Variants in YOD1 observed in about 807,000 individuals in gnomAD.
The protein encoded by YOD1 is YOD1 deubiquitinase, also known as ubiquitin thioesterase OTU1.
Under a neutral mutation model 23.7 loss-of-function variants are expected in YOD1, and 17 were observed. That is an observed-to-expected ratio of 0.72 (90% CI 0.49 to 1.07). YOD1 has a LOEUF of 1.07. Ranked by LOEUF, YOD1 falls within the 50% of genes least tolerant of loss-of-function variation. The probability of loss-of-function intolerance (pLI) is 0.00; values close to 1 mark genes in which losing one functional copy is unlikely to be tolerated. For synonymous variants in YOD1, 191 were observed against 169.6 expected, an observed-to-expected ratio of 1.13 and a Z score of -0.98; for missense variants, 413 against 447.2, an observed-to-expected ratio of 0.92 and a Z score of 0.69.
intron 1 of YOD1, among the ~76,000 whole-genome samples, chr1:207,050,227 T>C (rs3123022): frequency 6.6e-6 from 1 of 152,120 alleles, no homozygotes; most frequent in African/African-American, 2.4e-5. Flanking sequence ...CAGTGGGTGT[T>C]TTAAAAGCTA....
In YOD1 at chr1:207,051,085, C is replaced by T. The variant is rs891298541; in HGVS notation, c.-55G>A. Reference sequence around the variant, plus strand: ...CGCGACGCTTCGGTGCGGCTTCTGCCTTAGTACCTTAGCAAGCGCGAACTC... The same window carrying T: ...CGCGACGCTTCGGTGCGGCTTCTGCTTTAGTACCTTAGCAAGCGCGAACTC... On this transcript the variant is annotated 5_prime_UTR_variant, in exon 1 of 2. Coordinates refer to ENST00000315927, the MANE Select transcript of YOD1 (RefSeq NM_018566.4). The T allele has an allele frequency of 2.6e-5, 38 of 1,443,932 alleles. No individual in the cohort carries two copies. The highest frequency in any genetic ancestry group is 3.2e-5 in the Non-Finnish European group (35 of 1,103,358). The allele number at this position is 1,443,932 out of a possible 1,614,324, so 89.4% of individuals were successfully genotyped here.
chr1:207,050,746 G>T lies in YOD1; in HGVS notation c.285C>A (p.Pro95=), dbSNP rs35127634. The T allele has an allele frequency of 6.2e-7, 1 of 1,613,272 alleles. No homozygotes were observed. Among genetic ancestry groups the T allele is most frequent in the Admixed American group, 1.7e-5 (1 of 60,014 alleles). The change falls in exon 1 of 2, where the codon CCC becomes CCA. Residue 95 remains proline (P), a synonymous_variant. Coordinates refer to ENST00000315927, the MANE Select transcript of YOD1 (RefSeq NM_018566.4). Reference sequence around the variant, plus strand: ...CCCCATTGCTGAGATCCAGGCACTCGGGAGGGTATCCGACGAGGATTCGCT... The same window carrying T: ...CCCCATTGCTGAGATCCAGGCACTCTGGAGGGTATCCGACGAGGATTCGCT... ...GGQRILVGYP[P]ECLDLSNGDT... is the part of the protein sequence containing the mutation.
intron 1 of YOD1, among the ~76,000 whole-genome samples, chr1:207,049,932 G>T (rs77477276): frequency 6.6e-6 from 1 of 152,144 alleles, no homozygotes; most frequent in Non-Finnish European, 1.5e-5. Flanking sequence ...AACACTTGAG[G>T]TTGCATCCCA....
chr1:207,051,019 G>A lies in YOD1; in HGVS notation c.12C>T (p.Pro4=). The change falls in exon 1 of 2, where the codon CCC becomes CCT. Residue 4 remains proline, a synonymous_variant. Coordinates refer to ENST00000315927, the MANE Select transcript of YOD1 (RefSeq NM_018566.4). MFG[P]AKGRHFGVHP... is the part of the protein sequence containing the mutation. ...GGACTCCAAAATGGCGACCTTTAGC[G>A]GGGCCAAACATCGCGAGAAGTTGCG... The A allele has an allele frequency of 1.3e-6, 2 of 1,511,332 alleles. No homozygotes were observed. Among genetic ancestry groups the A allele is most frequent in the South Asian group, 1.2e-5 (1 of 81,966 alleles). The allele number at this position is 1,511,332 out of a possible 1,614,324, so 93.6% of individuals were successfully genotyped here.
chr1:207,051,157 T>C lies in YOD1; in HGVS notation c.-127A>G. ...TTCCCCCACCCTCAGAACGAAGATG[T>C]AAACCTCCGTATTCCTAAAGGACAA... is the stretch of plus-strand genomic sequence containing the variant. On this transcript the variant is annotated 5_prime_UTR_variant, in exon 1 of 2. Transcript: ENST00000315927. 1.4e-6 allele frequency: 2 copies of C among 1,417,748 alleles called. No homozygotes were observed. Among genetic ancestry groups the C allele is most frequent in the Non-Finnish European group, 1.8e-6 (2 of 1,090,280 alleles). The allele number at this position is 1,417,748 out of a possible 1,614,324, so 87.8% of individuals were successfully genotyped here. A position where few individuals can be genotyped will look rare whatever the true frequency, so the allele number is the denominator to read the frequency against.
Position 207,050,988 on chromosome 1 carries a change from C to T in YOD1, c.43G>A (p.Ala15Thr). ...GAGACGCCGCCGGGGAAACCAGGCGCCGGGTGGACTCCAAAATGGCGACCT... is the reference window on the plus strand; with the variant it reads ...GAGACGCCGCCGGGGAAACCAGGCGTCGGGTGGACTCCAAAATGGCGACCT... ...AKGRHFGVHP[A>T]PGFPGGVSQQ... Residue 15 changes from alanine (A) to threonine (T), a missense_variant, in exon 1 of 2, where the codon GCG becomes ACG. Ala to Thr is a moderately conservative substitution (Grantham distance 58). Coordinates refer to ENST00000315927, the MANE Select transcript of YOD1 (RefSeq NM_018566.4). 6.5e-7 allele frequency: 1 copy of T among 1,532,372 alleles called. No individual in the cohort carries two copies. The highest frequency in any genetic ancestry group is 2.5e-5 in the East Asian group (1 of 40,790). 94.9% of individuals were successfully genotyped at this position (1,532,372 alleles called of 1,614,324 possible).
rs1682740269 is a variant in YOD1, at chr1:207,051,103, G to A, written c.-73C>T. On this transcript the variant is annotated 5_prime_UTR_variant, in exon 1 of 2. Transcript: ENST00000315927. ...CTTCTGCCTTAGTACCTTAGCAAGC[G>A]CGAACTCTTTTAAAGTGACAACTGA... The A allele has an allele frequency of 7.0e-7, 1 of 1,434,484 alleles. No homozygotes were observed. Among genetic ancestry groups the A allele is most frequent in the African/African-American group, 1.4e-5 (1 of 69,446 alleles). 88.9% of individuals were successfully genotyped at this position (1,434,484 alleles called of 1,614,324 possible).
rs1169539963 is a variant in YOD1, at chr1:207,049,652, A to G, written c.415T>C (p.Ser139Pro). ...SSPAFTKRGA[S>P]SYVRETLPVL... ...GGCAAAGTTTCCCTGACGTAACTAGAAGCACCACGTTTAGTAAATGCAGGT... is the reference window on the plus strand; with the variant it reads ...GGCAAAGTTTCCCTGACGTAACTAGGAGCACCACGTTTAGTAAATGCAGGT... Residue 139 changes from serine to proline, a missense_variant, in exon 2 of 2, where the codon TCT (serine) becomes CCT (proline). Transcript: ENST00000315927. 1 of 1,614,198 alleles carries G rather than the reference A, an allele frequency of 6.2e-7. No homozygotes were observed. Among genetic ancestry groups the G allele is most frequent in the Non-Finnish European group, 8.5e-7 (1 of 1,180,034 alleles).
At position 207,049,454 on chromosome 1, in the gene YOD1, T is replaced by C; in HGVS notation, c.613A>G (p.Thr205Ala). The change falls in exon 2 of 2, where the codon ACA becomes GCA. Residue 205 changes from threonine (T) to alanine (A), a missense_variant. Coordinates refer to ENST00000315927, the MANE Select transcript of YOD1 (RefSeq NM_018566.4). ...DFYSEAILGK[T>A]NQEYCDWIKR... ...ATCCAGTCACAGTACTCTTGATTTGTTTTTCCCAGTATTGCCTCACTATAG... is the reference window on the plus strand; with the variant it reads ...ATCCAGTCACAGTACTCTTGATTTGCTTTTCCCAGTATTGCCTCACTATAG... The C allele has an allele frequency of 1.2e-6, 2 of 1,614,200 alleles. No homozygotes were observed. Among genetic ancestry groups the C allele is most frequent in the Admixed American group, 1.7e-5 (1 of 60,022 alleles).
At position 207,051,005 on chromosome 1, in the gene YOD1, T is replaced by A; in HGVS notation, c.26A>T (p.His9Leu). Residue 9 changes from histidine to leucine, a missense_variant, in exon 1 of 2, where the codon CAT becomes CTT. Physicochemically the swap from His to Leu is moderately conservative, Grantham distance 99. Coordinates refer to ENST00000315927, the MANE Select transcript of YOD1 (RefSeq NM_018566.4). ...ACCAGGCGCCGGGTGGACTCCAAAA[T>A]GGCGACCTTTAGCGGGGCCAAACAT... MFGPAKGR[H>L]FGVHPAPGFP... 6.6e-7 allele frequency: 1 copy of A among 1,524,784 alleles called. No individual in the cohort carries two copies. Among genetic ancestry groups the A allele is most frequent in the Non-Finnish European group, 8.8e-7 (1 of 1,135,246 alleles). 94.5% of individuals were successfully genotyped at this position (1,524,784 alleles called of 1,614,324 possible).
In YOD1 at chr1:207,049,474, C is replaced by G; in HGVS notation, c.593G>C (p.Ser198Thr). 6.2e-7 allele frequency: 1 copy of G among 1,614,186 alleles called. No individual in the cohort carries two copies. The highest frequency in any genetic ancestry group is 8.5e-7 in the Non-Finnish European group (1 of 1,180,038). Residue 198 changes from serine to threonine, a missense_variant, in exon 2 of 2, where the codon AGT becomes ACT. Physicochemically the swap from Ser to Thr is moderately conservative, Grantham distance 58. Transcript: ENST00000315927. ...ATTTGTTTTTCCCAGTATTGCCTCA[C>G]TATAGAAGTCTGGATCGCTTGCTAC... The part of the protein sequence containing the change: ...QIVASDPDFY[S>T]EAILGKTNQE...
rs1171530233 is a variant in YOD1 at position 207,044,840 on chromosome 1, G to C, written c.*4180C>G. 2.0e-5 allele frequency: 3 copies of C among 152,382 alleles called. No individual in the cohort carries two copies. Among genetic ancestry groups the C allele is most frequent in the Non-Finnish European group, 2.9e-5 (2 of 67,904 alleles). 9.4% of individuals were successfully genotyped at this position (152,382 alleles called of 1,614,324 possible). A position where few individuals can be genotyped will look rare whatever the true frequency, so the allele number is the denominator to read the frequency against. ...TTTTCTCCCTTCACTCTACCATGAGGGGGTTACCAACCTCCTTTAAATGTG... is the reference window on the plus strand; with the variant it reads ...TTTTCTCCCTTCACTCTACCATGAGCGGGTTACCAACCTCCTTTAAATGTG... On this transcript the variant is annotated 3_prime_UTR_variant, in exon 2 of 2. Transcript: ENST00000315927.
upstream of YOD1, among the ~76,000 whole-genome samples, chr1:207,051,839 C>A (rs1347061612): frequency 6.6e-6 from 1 of 152,172 alleles, no homozygotes; most frequent in African/African-American, 2.4e-5. Flanking sequence ...GAACCCAGGA[C>A]TGTGCCTCGC....
At chr1:207,052,738 TGA>T (rs34574803), upstream of YOD1, 60,071 of 157,016 alleles carry the variant, frequency 0.38, 11,832 homozygotes, top group Middle Eastern at 0.47. Flanking sequence ...GGTTCAACGA[TGA>T]GAGTGGTTGA....
Position 207,048,545 on chromosome 1 carries a change from C to G in YOD1, c.*475G>C. 6.4e-6 allele frequency: 1 copy of G among 155,778 alleles called. No homozygotes were observed. Among genetic ancestry groups the G allele is most frequent in the Non-Finnish European group, 1.4e-5 (1 of 69,944 alleles). The allele number at this position is 155,778 out of a possible 1,614,324, so 9.6% of individuals were successfully genotyped here. ...GACACTGTGGTAAATGTCCAGTGGACTCACAGGAGGCCTTCCACATTACCC... is the reference window on the plus strand; with the variant it reads ...GACACTGTGGTAAATGTCCAGTGGAGTCACAGGAGGCCTTCCACATTACCC... On this transcript the variant is annotated 3_prime_UTR_variant, in exon 2 of 2. Coordinates refer to ENST00000315927, the MANE Select transcript of YOD1 (RefSeq NM_018566.4).
In YOD1 at chr1:207,044,599, A is replaced by G. The variant is rs1682549519; in HGVS notation, c.*4421T>C. ...TTTAAAAACATATGTATAAAAGGGCATCATGGCAAAATGCTTATAATTCAT... is the reference window on the plus strand; with the variant it reads ...TTTAAAAACATATGTATAAAAGGGCGTCATGGCAAAATGCTTATAATTCAT... On this transcript the variant is annotated 3_prime_UTR_variant, in exon 2 of 2. Transcript: ENST00000315927. 2 of 152,370 alleles carry G rather than the reference A, an allele frequency of 1.3e-5. No individual in the cohort carries two copies. The highest frequency in any genetic ancestry group is 1.3e-4 in the Admixed American group (2 of 15,280). 9.4% of individuals were successfully genotyped at this position (152,370 alleles called of 1,614,324 possible). A position where few individuals can be genotyped will look rare whatever the true frequency, so the allele number is the denominator to read the frequency against.
upstream of YOD1, among the ~76,000 whole-genome samples, chr1:207,051,596 G>A (rs1364092211): frequency 6.6e-6 from 1 of 152,180 alleles, no homozygotes. Flanking sequence ...CTGGGCCCAG[G>A]GCAGCTGCCT....
In YOD1 at chr1:207,048,999, C is replaced by T. The variant is rs1682664838; in HGVS notation, c.*21G>A. ...TCTGGATGTGTGAGGTAGTAGGCTTCAACCCTCATTCATGCATAGGTCACA... is the reference window on the plus strand; with the variant it reads ...TCTGGATGTGTGAGGTAGTAGGCTTTAACCCTCATTCATGCATAGGTCACA... On this transcript the variant is annotated 3_prime_UTR_variant, in exon 2 of 2. Transcript: ENST00000315927. The T allele has an allele frequency of 1.9e-6, 3 of 1,602,620 alleles. No individual in the cohort carries two copies. Among genetic ancestry groups the T allele is most frequent in the Admixed American group, 1.7e-5 (1 of 59,476 alleles).
At chr1:207,052,343 G>A, upstream of YOD1, 1 of 947,762 alleles carries the variant, frequency 1.1e-6, no homozygotes, top group East Asian at 2.4e-5. Context: ...GGGGTAGGTA[G>A]GAGGGAAGGT....
Sources: allele counts gnomAD v4.1 joint callset (sites outside exome capture counted in the v4.1 genomes callset), GRCh38; gene constraint gnomAD v4.1.1; transcripts MANE v1.5; gene names NCBI Gene and HGNC (gene_info 2026-07-23, HGNC 2026-07-21).